EYS: variants seen among roughly 807,000 people sequenced by gnomAD.
EYS encodes the protein EGF-like photoreceptor maintenance factor, also known as protein eyes shut homolog.
EYS carries 250 observed loss-of-function variants against 282.1 expected under a neutral mutation model. The ratio of observed to expected loss-of-function variants is 0.89; its 90% CI spans 0.80 to 0.98. EYS has a LOEUF of 0.98. Among genes scored for constraint, EYS ranks in the 50% least tolerant of loss-of-function variants. The probability of loss-of-function intolerance (pLI) is 0.00; values close to 1 mark genes in which losing one functional copy is unlikely to be tolerated. For missense variants in EYS, 4,016 were observed against 3,709.0 expected, an observed-to-expected ratio of 1.08 and a Z score of -2.15; for synonymous variants, 1,355 against 1,282.9, an observed-to-expected ratio of 1.06 and a Z score of -1.20.
In EYS at chr6:64,143,469, T is replaced by C. The variant is rs546718888; in HGVS notation, c.6425-61467A>G. On this transcript the variant is annotated intron_variant, in intron 31 of 42. Transcript: ENST00000503581. ...TACATAGGAAGAACTCTTTATATTT[T>C]GCATTCAATTTTTCTGTAACCTAAA... Among the ~76,000 whole-genome samples the C allele has an allele frequency of 2.1e-3, 320 of 152,198 alleles. 1 individual carries two copies. The highest frequency in any genetic ancestry group is 3.4e-3 in the Non-Finnish European group (230 of 68,024).
intron 28 of EYS, among the ~76,000 whole-genome samples, chr6:64,417,735 A>G (rs945190063): frequency 2.7e-5 from 4 of 148,494 alleles, no homozygotes; most frequent in African/African-American, 5.0e-5. Context: ...CAGTGGCACA[A>G]TCTTGGCTCA....
intron 26 of EYS, among the ~76,000 whole-genome samples, chr6:64,506,345 A>G (rs1777204541): frequency 6.6e-6 from 1 of 152,180 alleles, no homozygotes; most frequent in African/African-American, 2.4e-5. Context: ...TTAAATTTAA[A>G]AAAAAGTTTG....
chr6:65,615,466 G>A (rs1205203095), intron 2 of EYS, among the ~76,000 whole-genome samples: 1 of 149,696 alleles, frequency 6.7e-6, no homozygotes, highest in Non-Finnish European at 1.5e-5. Context: ...TATCTATGTA[G>A]ACACAAAGCT....
chr6:64,752,384 A>G (rs1221581901), intron 22 of EYS, among the ~76,000 whole-genome samples: 1 of 152,130 alleles, frequency 6.6e-6, no homozygotes, highest in Non-Finnish European at 1.5e-5. Context: ...CCTTAACAAC[A>G]GACTAGACCA....
chr6:65,405,950 T>G (rs942067531), intron 5 of EYS, among the ~76,000 whole-genome samples: 1 of 152,110 alleles, frequency 6.6e-6, no homozygotes, highest in South Asian at 2.1e-4. Flanking sequence ...GTGGAATTGC[T>G]GGATTTTATG....
intron 5 of EYS, among the ~76,000 whole-genome samples, chr6:65,414,758 G>A (rs1399030747): frequency 1.3e-5 from 2 of 152,064 alleles, no homozygotes; most frequent in Non-Finnish European, 2.9e-5. Flanking sequence ...AGTTTCCGGG[G>A]TGAGGTCATA....
intron 5 of EYS, among the ~76,000 whole-genome samples, chr6:65,417,549 GATAGTA>G (rs1364328794): frequency 6.6e-6 from 1 of 152,000 alleles, no homozygotes; most frequent in Non-Finnish European, 1.5e-5. Context: ...TAAAGAAGCA[GATAGTA>G]ATTATTTTGG....
chr6:64,099,318 C>T (rs1279103501), intron 31 of EYS, among the ~76,000 whole-genome samples: 1 of 152,192 alleles, frequency 6.6e-6, no homozygotes, highest in Non-Finnish European at 1.5e-5. Flanking sequence ...GCCCCTGTTT[C>T]AGATGTGATC....
In EYS at chr6:63,859,075, G is replaced by GT. The variant is rs745344580; in HGVS notation, c.7228+5110dup. On this transcript the variant is annotated intron_variant, in intron 36 of 42. Coordinates refer to ENST00000503581, the MANE Select transcript of EYS (RefSeq NM_001142800.2). ...TTGATTTCCATTGATGTCCTAGAGA[G>GT]TTTTTTTTTTTTTTTTTTTTTTTTT... Among the ~76,000 whole-genome samples, 17 of 47,934 alleles carry GT rather than the reference G, an allele frequency of 3.5e-4. 2 individuals carry two copies. The highest frequency in any genetic ancestry group is 1.6e-3 in the South Asian group (2 of 1,230). 31.4% of individuals were successfully genotyped at this position (47,934 alleles called of 152,430 possible). A position where few individuals can be genotyped will look rare whatever the true frequency, so the allele number is the denominator to read the frequency against.
chr6:65,361,736 C>T (rs1764717010), intron 8 of EYS, among the ~76,000 whole-genome samples: 1 of 152,098 alleles, frequency 6.6e-6, no homozygotes, highest in South Asian at 2.1e-4. Context: ...CCATTTCAGC[C>T]TCCCAACATG....
At chr6:63,762,708 C>T in intron 40 of EYS, 75 bp from the exon 41 acceptor site, 3 of 1,329,908 alleles carry the variant, frequency 2.3e-6, no homozygotes, top group Non-Finnish European at 3.0e-6. Flanking sequence ...TGCCCTGATG[C>T]TAACTTGTCA....
At chr6:64,922,137 G>A (rs1768363590) in intron 15 of EYS, among the ~76,000 whole-genome samples, 1 of 152,132 alleles carries the variant, frequency 6.6e-6, no homozygotes. Flanking sequence ...ATTCACTGGG[G>A]TGACGAAAAA....
At chr6:64,748,252 T>C (rs16895760) in intron 22 of EYS, among the ~76,000 whole-genome samples, 2,954 of 152,332 alleles carry the variant, frequency 0.019, 86 homozygotes, top group East Asian at 0.14. Flanking sequence ...ACATTTCAAA[T>C]ATGCTGGCAT....
intron 26 of EYS, among the ~76,000 whole-genome samples, chr6:64,451,401 T>C (rs576832692): frequency 7.9e-5 from 12 of 152,070 alleles, no homozygotes; most frequent in Admixed American, 5.9e-4. Context: ...CAGGACCAGA[T>C]GGATTCACAG....
chr6:64,165,418 T>TA (rs904809388), intron 31 of EYS, among the ~76,000 whole-genome samples: 1 of 152,124 alleles, frequency 6.6e-6, no homozygotes, highest in African/African-American at 2.4e-5. Flanking sequence ...AATGAAACCT[T>TA]AAACTGTTCT....
At chr6:64,863,529 A>G (rs1029988195) in intron 19 of EYS, among the ~76,000 whole-genome samples, 3 of 152,128 alleles carry the variant, frequency 2.0e-5, no homozygotes, top group Non-Finnish European at 4.4e-5. Context: ...AGGTTTGCAT[A>G]TTTTATTCCT....
chr6:64,330,592 T>A (rs1038027891), intron 29 of EYS, among the ~76,000 whole-genome samples: 2 of 152,128 alleles, frequency 1.3e-5, no homozygotes, highest in African/African-American at 4.8e-5. Flanking sequence ...ACTAGGGTCA[T>A]GATATCAGCC....
intron 26 of EYS, among the ~76,000 whole-genome samples, chr6:64,460,337 C>G (rs891649616): frequency 1.3e-5 from 2 of 152,138 alleles, no homozygotes; most frequent in Admixed American, 6.5e-5. Context: ...AAGTTGATCA[C>G]TGATGTGTGT....
chr6:64,430,536 G>A (rs1460698781), intron 28 of EYS, among the ~76,000 whole-genome samples: 1 of 152,086 alleles, frequency 6.6e-6, no homozygotes, highest in East Asian at 1.9e-4. Flanking sequence ...AGAAATATGA[G>A]CACTTTGGTT....
Sources: allele counts gnomAD v4.1 joint callset (sites outside exome capture counted in the v4.1 genomes callset), GRCh38; gene constraint gnomAD v4.1.1; transcripts MANE v1.5; gene names NCBI Gene and HGNC (gene_info 2026-07-23, HGNC 2026-07-21).